RBFOX1: variants seen among roughly 807,000 people sequenced by gnomAD.
RBFOX1 encodes RNA binding protein fox-1 homolog 1.
Under a neutral mutation model 57.7 loss-of-function variants are expected in RBFOX1, and 8 were observed. That is an observed-to-expected ratio of 0.14 (90% CI 0.08 to 0.25). The LOEUF is 0.25. RBFOX1 is among the 10% of genes least tolerant of loss of function. The pLI is 1.00. For synonymous variants in RBFOX1, 326 were observed against 222.4 expected (o/e 1.47, Z -4.15); for missense variants, 611 against 548.5 (o/e 1.11, Z -1.14).
At chr16:5,664,472 G>T (rs904418897) in intron 3 of RBFOX1, among the ~76,000 whole-genome samples, 1 of 152,076 alleles carries the variant, frequency 6.6e-6, no homozygotes, top group Admixed American at 6.5e-5. Context: ...AATTGAACCC[G>T]GGAGGCGGAG....
chr16:7,177,007 C>T (rs1262986442), intron 4 of RBFOX1, among the ~76,000 whole-genome samples: 1 of 152,120 alleles, frequency 6.6e-6, no homozygotes, highest in East Asian at 1.9e-4. Context: ...CTCACTACCC[C>T]ATGAAGTCTC....
intron 3 of RBFOX1, among the ~76,000 whole-genome samples, chr16:5,856,563 A>ATGTGTGTGTGTGTGTGTG (rs1317876935): frequency 1.5e-5 from 1 of 66,944 alleles, no homozygotes; most frequent in African/African-American, 6.0e-5. Context: ...GTGTGTGTGT[A>ATGTGTGTGTGTGTGTGTG]TGTGTGTGTG....
At chr16:7,145,306 G>A (rs1321579513) in intron 4 of RBFOX1, among the ~76,000 whole-genome samples, 1 of 152,160 alleles carries the variant, frequency 6.6e-6, no homozygotes, top group Non-Finnish European at 1.5e-5. Context: ...CCGGGTACAA[G>A]AGATTCTCCT....
At chr16:6,528,898 G>T (rs1223433702) in intron 2 of RBFOX1, among the ~76,000 whole-genome samples, 2 of 152,248 alleles carry the variant, frequency 1.3e-5, no homozygotes, top group East Asian at 1.9e-4. Flanking sequence ...GGAAGAAATT[G>T]GTGTAGGGGC....
intron 3 of RBFOX1, among the ~76,000 whole-genome samples, chr16:6,870,934 C>G (rs192019625): frequency 1.3e-5 from 2 of 152,160 alleles, no homozygotes; most frequent in African/African-American, 4.8e-5. Context: ...TTTTCCATTT[C>G]TATCCGTAAG....
intron 3 of RBFOX1, among the ~76,000 whole-genome samples, chr16:5,628,309 C>G (rs759294174): frequency 6.6e-6 from 1 of 152,220 alleles, no homozygotes; most frequent in Non-Finnish European, 1.5e-5. Flanking sequence ...CCAATTATCA[C>G]AGACTAAATT....
intron 3 of RBFOX1, among the ~76,000 whole-genome samples, chr16:5,839,115 C>T (rs745478468): frequency 6.6e-6 from 1 of 152,192 alleles, no homozygotes; most frequent in East Asian, 1.9e-4. Context: ...CAAATTTCAA[C>T]AGTACTAAGG....
intron 2 of RBFOX1, among the ~76,000 whole-genome samples, chr16:6,580,942 A>C (rs1170647573): frequency 6.6e-6 from 1 of 151,528 alleles, no homozygotes; most frequent in African/African-American, 2.4e-5. Flanking sequence ...TTTTCCCCCA[A>C]AATCATAATT....
chr16:7,031,606 AAAAG>A (rs377024130), intron 3 of RBFOX1, among the ~76,000 whole-genome samples: 5,618 of 152,074 alleles, frequency 0.037, 145 homozygotes, highest in Middle Eastern at 0.078. Context: ...GCCTAAAAAA[AAAAG>A]AAAGAAAAGA....
chr16:5,257,104 G>A (rs1179916667), intron 1 of RBFOX1, among the ~76,000 whole-genome samples: 1 of 152,020 alleles, frequency 6.6e-6, no homozygotes, highest in Admixed American at 6.6e-5. Flanking sequence ...TCTTAAATGG[G>A]GGAGCCACTT....
intron 1 of RBFOX1, among the ~76,000 whole-genome samples, chr16:6,235,613 TATACATATATATATAC>T (rs552731021): frequency 5.9e-5 from 9 of 151,602 alleles, no homozygotes; most frequent in Admixed American, 4.0e-4. Context: ...ATGGGATATT[TATACATATATATATAC>T]TTACATATAT....
chr16:6,864,989 C>T (rs866570754), intron 3 of RBFOX1, among the ~76,000 whole-genome samples: 2,181 of 105,420 alleles, frequency 0.021, 92 homozygotes, highest in African/African-American at 0.075. Flanking sequence ...GTGGGTTTTT[C>T]TTTTTCTTTT....
intron 5 of RBFOX1, among the ~76,000 whole-genome samples, chr16:7,520,916 A>T (rs757642065): frequency 3.9e-5 from 6 of 152,186 alleles, no homozygotes; most frequent in African/African-American, 9.7e-5. Context: ...TTAAGCTTCT[A>T]TTAGGGCCAG....
chr16:7,220,114 A>G (rs891040838), intron 4 of RBFOX1, among the ~76,000 whole-genome samples: 2 of 152,216 alleles, frequency 1.3e-5, no homozygotes, highest in Non-Finnish European at 2.9e-5. Context: ...AAAATTCACC[A>G]TATTCAACAA....
chr16:6,614,804 G>C (rs939851883), intron 2 of RBFOX1, among the ~76,000 whole-genome samples: 1 of 152,046 alleles, frequency 6.6e-6, no homozygotes, highest in African/African-American at 2.4e-5. Flanking sequence ...CAGTCATATT[G>C]ACCTAGGGAC....
At chr16:5,985,334 C>T (rs969339479) in intron 4 of RBFOX1, among the ~76,000 whole-genome samples, 1 of 151,832 alleles carries the variant, frequency 6.6e-6, no homozygotes, top group Non-Finnish European at 1.5e-5. Flanking sequence ...TGGATGCCAT[C>T]CATCCTTGGT....
chr16:7,708,334 C>T (rs905920401), intron 14 of RBFOX1, among the ~76,000 whole-genome samples: 2 of 152,120 alleles, frequency 1.3e-5, no homozygotes, highest in Non-Finnish European at 2.9e-5. Flanking sequence ...AAAGCCTATA[C>T]CAGAAGCCAT....
chr16:6,365,646 C>G (rs1257895727), intron 2 of RBFOX1, among the ~76,000 whole-genome samples: 1 of 152,090 alleles, frequency 6.6e-6, no homozygotes, highest in Non-Finnish European at 1.5e-5. Flanking sequence ...TTCACCAATT[C>G]TTCTAGGCAT....
intron 4 of RBFOX1, among the ~76,000 whole-genome samples, chr16:7,090,761 G>C (rs2060699296): frequency 6.6e-6 from 1 of 152,122 alleles, no homozygotes; most frequent in South Asian, 2.1e-4. Flanking sequence ...CGGTAGGAGG[G>C]GGAAACAGCC....
Sources: allele counts gnomAD v4.1 joint callset (sites outside exome capture counted in the v4.1 genomes callset), GRCh38; gene constraint gnomAD v4.1.1; transcripts MANE v1.5; gene names NCBI Gene and HGNC (gene_info 2026-07-23, HGNC 2026-07-21).